The following PLPPR1 variants were observed in gnomAD, a reference collection of about 807,000 sequenced individuals.
PLPPR1 encodes phospholipid phosphatase related 1, also known as phospholipid phosphatase-related protein type 1.
A neutral mutation model predicts 33.1 loss-of-function variants in PLPPR1; 10 were observed. That is an observed-to-expected ratio of 0.30 (90% CI 0.19 to 0.51). The LOEUF is 0.51. PLPPR1 is among the 20% of genes least tolerant of loss of function. The probability of loss-of-function intolerance (pLI) is 0.97; values close to 1 mark genes in which losing one functional copy is unlikely to be tolerated. For missense variants in PLPPR1, 304 were observed against 408.1 expected, an observed-to-expected ratio of 0.74 and a Z score of 2.20; for synonymous variants, 151 against 151.0, an observed-to-expected ratio of 1.00 and a Z score of 0.00.
intron 1 of PLPPR1, among the ~76,000 whole-genome samples, chr9:101,143,432 C>T (rs1279247228): frequency 1.3e-5 from 2 of 152,034 alleles, no homozygotes; most frequent in Non-Finnish European, 1.5e-5. Flanking sequence ...AAGCCAGGGC[C>T]TCTAAAGAAC....
chr9:101,196,788 C>T (rs1380100808), intron 2 of PLPPR1, among the ~76,000 whole-genome samples: 2 of 151,934 alleles, frequency 1.3e-5, no homozygotes, highest in African/African-American at 2.4e-5. Context: ...TGGCGTGAAC[C>T]CGGGAGGCAG....
At chr9:101,109,334 T>C (rs886540830) in intron 1 of PLPPR1, among the ~76,000 whole-genome samples, 1 of 152,054 alleles carries the variant, frequency 6.6e-6, no homozygotes, top group Admixed American at 6.6e-5. Context: ...TGGGAACCTC[T>C]GATCTACTGT....
intron 1 of PLPPR1, among the ~76,000 whole-genome samples, chr9:101,037,291 A>G (rs1830021231): frequency 6.6e-6 from 1 of 152,126 alleles, no homozygotes; most frequent in East Asian, 1.9e-4. Flanking sequence ...TATTGCCTCC[A>G]TTATGTTAGA....
intron 1 of PLPPR1, among the ~76,000 whole-genome samples, chr9:101,145,940 C>T (rs1831516251): frequency 6.6e-6 from 1 of 151,992 alleles, no homozygotes; most frequent in Non-Finnish European, 1.5e-5. Context: ...CCCTTGAGCC[C>T]AGGAGGTTGA....
At chr9:101,200,479 CTT>C (rs757903135) in intron 2 of PLPPR1, among the ~76,000 whole-genome samples, 2 of 152,104 alleles carry the variant, frequency 1.3e-5, no homozygotes, top group African/African-American at 2.4e-5. Context: ...AGTGGAAAAA[CTT>C]TATTCTAACA....
chr9:101,323,059 G>A (rs375079717), intron 7 of PLPPR1, among the ~76,000 whole-genome samples: 14 of 152,284 alleles, frequency 9.2e-5, no homozygotes, highest in African/African-American at 2.9e-4. Flanking sequence ...GATAAAACAT[G>A]TAGAAAGGTT....
At chr9:101,270,116 T>C (rs1331897962) in intron 3 of PLPPR1, 48 bp downstream of exon 3, 2 of 1,583,958 alleles carry the variant, frequency 1.3e-6, no homozygotes. Context: ...TACCCAAGAA[T>C]ATTTTCTGTC....
At chr9:101,145,739 G>A (rs1366302623) in intron 1 of PLPPR1, among the ~76,000 whole-genome samples, 2 of 151,478 alleles carry the variant, frequency 1.3e-5, no homozygotes, top group Admixed American at 6.6e-5. Context: ...GAAATGTCAG[G>A]CCAGATGTGG....
At chr9:101,106,017 T>C (rs1020711441) in intron 1 of PLPPR1, among the ~76,000 whole-genome samples, 6 of 150,506 alleles carry the variant, frequency 4.0e-5, no homozygotes, top group Admixed American at 1.3e-4. Flanking sequence ...TCTTCCTCCA[T>C]CCTTTTATTT....
intron 1 of PLPPR1, among the ~76,000 whole-genome samples, chr9:101,116,518 G>A (rs1196417745): frequency 6.6e-6 from 1 of 152,096 alleles, no homozygotes; most frequent in Non-Finnish European, 1.5e-5. Context: ...TCTTTGTGTA[G>A]AAATGCAGGA....
At chr9:101,182,422 C>A (rs1456722772) in intron 1 of PLPPR1, among the ~76,000 whole-genome samples, 1 of 151,708 alleles carries the variant, frequency 6.6e-6, no homozygotes, top group Non-Finnish European at 1.5e-5. Context: ...TGAGGTGATA[C>A]ATTTGTTAAT....
intron 1 of PLPPR1, among the ~76,000 whole-genome samples, chr9:101,123,760 G>A (rs999633265): frequency 2.6e-5 from 4 of 152,148 alleles, no homozygotes; most frequent in Non-Finnish European, 5.9e-5. Flanking sequence ...GGGAGAGCAA[G>A]GAGCCAGCAA....
chr9:101,052,381 T>C (rs1378825602), intron 1 of PLPPR1, among the ~76,000 whole-genome samples: 2 of 152,172 alleles, frequency 1.3e-5, no homozygotes, highest in Non-Finnish European at 2.9e-5. Context: ...TGGTGTCTAG[T>C]GTATAGAAGC....
chr9:101,134,570 G>T lies in PLPPR1; in HGVS notation c.-45-50880G>T, dbSNP rs1377210215. Among the ~76,000 whole-genome samples the T allele has an allele frequency of 6.6e-5, 10 of 152,120 alleles. 1 individual carries two copies. ...GCTAAATTTTTTATTTTTTTGTAGA[G>T]ATAGTGTTTTGCCACATTGCCCAAG... On this transcript the variant is annotated intron_variant, in intron 1 of 7. Coordinates refer to ENST00000374874, the MANE Select transcript of PLPPR1 (RefSeq NM_207299.2).
intron 1 of PLPPR1, among the ~76,000 whole-genome samples, chr9:101,154,987 G>A (rs1054452249): frequency 6.0e-5 from 9 of 149,980 alleles, no homozygotes; most frequent in African/African-American, 1.5e-4. Context: ...GGGAGGGATA[G>A]CATTAGGAGA....
intron 2 of PLPPR1, among the ~76,000 whole-genome samples, chr9:101,204,215 T>G (rs2116285): frequency 6.6e-6 from 1 of 152,110 alleles, no homozygotes; most frequent in Admixed American, 6.5e-5. Context: ...AAAGGGGTAG[T>G]AGCAACCAGC....
At chr9:101,119,310 G>A (rs1437758591) in intron 1 of PLPPR1, among the ~76,000 whole-genome samples, 1 of 152,204 alleles carries the variant, frequency 6.6e-6, no homozygotes, top group Non-Finnish European at 1.5e-5. Flanking sequence ...TGGCAATGTG[G>A]CAGCCCACTG....
intron 1 of PLPPR1, among the ~76,000 whole-genome samples, chr9:101,154,789 G>C (rs1831654014): frequency 6.6e-6 from 1 of 151,972 alleles, no homozygotes; most frequent in South Asian, 2.1e-4. Flanking sequence ...GCCATAAAAA[G>C]GATGAGTTCA....
At chr9:101,224,789 T>G (rs115387663) in intron 2 of PLPPR1, among the ~76,000 whole-genome samples, 2,501 of 152,228 alleles carry the variant, frequency 0.016, 56 homozygotes, top group African/African-American at 0.055. Flanking sequence ...TTAGGTGAAG[T>G]GGTGTGCTTA....
Sources: gnomAD v4.1 joint callset for allele counts (sites outside exome capture counted in the v4.1 genomes callset) on GRCh38, gnomAD v4.1.1 for gene constraint, MANE v1.5 for transcripts, NCBI Gene and HGNC (gene_info 2026-07-23, HGNC 2026-07-21) for gene names.